Variants in RILPL1 observed in about 807,000 individuals in gnomAD.
The protein encoded by RILPL1 is RILP-like protein 1.
A neutral mutation model predicts 50.3 loss-of-function variants in RILPL1; 33 were observed. That is an observed-to-expected ratio of 0.66 (90% CI 0.50 to 0.88). RILPL1 has a LOEUF of 0.88. Among genes scored for constraint, RILPL1 ranks in the 40% least tolerant of loss-of-function variants. The pLI, the probability that RILPL1 is intolerant of heterozygous loss-of-function variation, is 0.00. For missense variants in RILPL1, 418 were observed against 542.5 expected (o/e 0.77, Z 2.28); for synonymous variants, 205 against 228.6 (o/e 0.90, Z 0.93).
intron 2 of RILPL1, among the ~76,000 whole-genome samples, chr12:123,512,128 T>C (rs1267165982): frequency 7.4e-6 from 1 of 134,502 alleles, no homozygotes; most frequent in African/African-American, 2.8e-5. Flanking sequence ...TTTGTGTGTG[T>C]GTGGTGTGTG....
intron 4 of RILPL1, among the ~76,000 whole-genome samples, chr12:123,496,579 C>T (rs954168017): frequency 6.6e-6 from 1 of 152,162 alleles, no homozygotes; most frequent in Non-Finnish European, 1.5e-5. Flanking sequence ...CTAAAGTTCA[C>T]TATACTTTTC....
In RILPL1 at chr12:123,518,179, A is replaced by T. The variant is rs546847402; in HGVS notation, c.460+5316T>A. On this transcript the variant is annotated intron_variant, in intron 2 of 6. Transcript: ENST00000376874. ...GGCGGCTGCACAAGACTGTGAATGT[A>T]CTTAATGCCTCTGAACTGTACACTT... 1.3e-4 allele frequency among the ~76,000 whole-genome samples: 20 copies of T among 152,232 alleles called. 1 individual carries two copies. In the South Asian group the frequency reaches 3.9e-3, roughly 30 times the overall value.
At position 123,533,033 on chromosome 12, in the gene RILPL1, T is replaced by TC; in HGVS notation, c.309+140dup. On this transcript the variant is annotated intron_variant, in intron 1 of 6. Coordinates refer to ENST00000376874, the MANE Select transcript of RILPL1 (RefSeq NM_178314.5). This position sits in a 1 kb window ranked among gnomAD's most constrained non-coding sequence, Gnocchi z 6.2. ...GGTCGGGCAAAAGAAGGCCAGGGCC[T>TC]CCCTCCCTCCCCACGTCGGGTCTCC... The TC allele has an allele frequency of 1.1e-6, 1 of 902,252 alleles. No homozygotes were observed. The highest frequency in any genetic ancestry group is 1.8e-5 in the South Asian group (1 of 54,964). 55.9% of individuals were successfully genotyped at this position (902,252 alleles called of 1,614,324 possible).
chr12:123,480,167 T>G (rs1454175602), intron 6 of RILPL1, among the ~76,000 whole-genome samples: 14 of 150,792 alleles, frequency 9.3e-5, no homozygotes. Context: ...TCTTTTTTTT[T>G]TTTTTTTTTT....
rs1476732301 is a variant in RILPL1 at position 123,491,068 on chromosome 12, C to T, written c.802-5263G>A. Among the ~76,000 whole-genome samples, 1 of 152,186 alleles carries T rather than the reference C, an allele frequency of 6.6e-6. No individual in the cohort carries two copies. Among genetic ancestry groups the T allele is most frequent in the Non-Finnish European group, 1.5e-5 (1 of 68,038 alleles). On this transcript the variant is annotated intron_variant, in intron 4 of 6. Transcript: ENST00000376874. The surrounding 1 kb of genome is among the most constrained non-coding windows in gnomAD (Gnocchi z 4.0). ...CCCGCCCTGACTTCTAATACTATTGCCTGAAAGTACAGGCAGAAGGACAGC... is the reference window on the plus strand; with the variant it reads ...CCCGCCCTGACTTCTAATACTATTGTCTGAAAGTACAGGCAGAAGGACAGC...
Position 123,470,454 on chromosome 12 carries a change from CAG to C in RILPL1, c.*2082_*2083del. The C allele has an allele frequency of 8.2e-6, 1 of 121,994 alleles. No homozygotes were observed. The highest frequency in any genetic ancestry group is 2.9e-4 in the South Asian group (1 of 3,508). The allele number at this position is 121,994 out of a possible 1,614,324, so 7.6% of individuals were successfully genotyped here. ...TGCCACTGTACTCCAGCCTAGGTGA[CAG>C]AGTGAGACCCTGTGTCCAAAAAAAA... On this transcript the variant is annotated 3_prime_UTR_variant, in exon 7 of 7. Transcript: ENST00000376874.
intron 2 of RILPL1, among the ~76,000 whole-genome samples, chr12:123,521,618 TG>T (rs1566144198): frequency 9.5e-5 from 2 of 21,158 alleles, no homozygotes; most frequent in Admixed American, 6.0e-4. Context: ...CACACATATG[TG>T]TATATATATA....
Position 123,470,362 on chromosome 12 carries a change from A to C in RILPL1, c.*2176T>G, listed in dbSNP as rs1428212981. On this transcript the variant is annotated 3_prime_UTR_variant, in exon 7 of 7. Transcript: ENST00000376874. ...GTGGTGCACATCAGTAGTACCAGCT[A>C]CTTGGGAGGCTGAGGTGGGAGGATT... 1 of 151,464 alleles carries C rather than the reference A, an allele frequency of 6.6e-6. No individual in the cohort carries two copies. Among genetic ancestry groups the C allele is most frequent in the Non-Finnish European group, 1.5e-5 (1 of 68,198 alleles). The allele number at this position is 151,464 out of a possible 1,614,324, so 9.4% of individuals were successfully genotyped here.
At position 123,498,787 on chromosome 12, in the gene RILPL1, T is replaced by C. The variant is rs1883190522; in HGVS notation, c.580-22A>G. Reference sequence around the variant, plus strand: ...GTAACTGTAGAAAAAGGGAGACCATTGTGCGGGGCTGCCACCTGCGGTAGC... The same window carrying C: ...GTAACTGTAGAAAAAGGGAGACCATCGTGCGGGGCTGCCACCTGCGGTAGC... On this transcript the variant is annotated intron_variant, in intron 3 of 6. Coordinates refer to ENST00000376874, the MANE Select transcript of RILPL1 (RefSeq NM_178314.5). This position sits in a 1 kb window ranked among gnomAD's most constrained non-coding sequence, Gnocchi z 4.3. 2 of 1,607,058 alleles carry C rather than the reference T, an allele frequency of 1.2e-6. No homozygotes were observed. Among genetic ancestry groups the C allele is most frequent in the African/African-American group, 1.3e-5 (1 of 74,904 alleles).
intron 2 of RILPL1, among the ~76,000 whole-genome samples, chr12:123,506,357 A>C (rs28497891): frequency 6.6e-6 from 1 of 152,074 alleles, no homozygotes; most frequent in African/African-American, 2.4e-5. Context: ...GCCTTAAGGC[A>C]TGGGTCAGGG....
chr12:123,521,627 ATACACACATATGTGT>A (rs1885038169), intron 2 of RILPL1, among the ~76,000 whole-genome samples: 15 of 6,874 alleles, frequency 2.2e-3, no homozygotes, highest in Non-Finnish European at 1.0e-3. Context: ...GTGTATATAT[ATACACACATATGTGT>A]ATATATATAC....
At chr12:123,503,966 A>C (rs1593570504) in intron 2 of RILPL1, among the ~76,000 whole-genome samples, 2 of 148,862 alleles carry the variant, frequency 1.3e-5, no homozygotes, top group African/African-American at 5.0e-5. Context: ...GCGCCACTGC[A>C]CTCCAGCCTG....
chr12:123,524,298 A>G (rs1011603414), intron 1 of RILPL1, among the ~76,000 whole-genome samples: 32 of 152,242 alleles, frequency 2.1e-4, no homozygotes, highest in African/African-American at 7.5e-4. Flanking sequence ...AGTGCTGACA[A>G]GGATAGGAAG....
rs780553513 is a variant in RILPL1, at chr12:123,498,383, C to A, written c.801+161G>T. Among the ~76,000 whole-genome samples the A allele has an allele frequency of 6.6e-6, 1 of 151,922 alleles. No individual in the cohort carries two copies. Among genetic ancestry groups the A allele is most frequent in the Non-Finnish European group, 1.5e-5 (1 of 67,982 alleles). On this transcript the variant is annotated intron_variant, in intron 4 of 6. Coordinates refer to ENST00000376874, the MANE Select transcript of RILPL1 (RefSeq NM_178314.5). The surrounding 1 kb of genome is among the most constrained non-coding windows in gnomAD (Gnocchi z 4.3). The stretch of plus-strand genomic sequence containing the variant: ...TACAGGTGTGCACCACCACGCGTGG[C>A]TAATTAAAAAAAATGTTTGTAGAGA...
At chr12:123,478,431 A>G (rs1429779293) in intron 6 of RILPL1, among the ~76,000 whole-genome samples, 1 of 152,044 alleles carries the variant, frequency 6.6e-6, no homozygotes, top group Non-Finnish European at 1.5e-5. Context: ...TTTGGCCCGA[A>G]GTTTGTCTTG....
intron 1 of RILPL1, among the ~76,000 whole-genome samples, chr12:123,526,265 C>T (rs1885253193): frequency 6.6e-6 from 1 of 151,776 alleles, no homozygotes; most frequent in Admixed American, 6.6e-5. Context: ...GAGATCAAGC[C>T]ACTGCACTCC....
chr12:123,492,213 CA>C (rs890235450), intron 4 of RILPL1, among the ~76,000 whole-genome samples: 4 of 105,386 alleles, frequency 3.8e-5, no homozygotes, highest in Admixed American at 9.4e-5. Context: ...GACCCTGTCT[CA>C]AAAAAAAAGA....
At chr12:123,508,173 C>T (rs1436330423) in intron 2 of RILPL1, among the ~76,000 whole-genome samples, 2 of 151,668 alleles carry the variant, frequency 1.3e-5, no homozygotes, top group Non-Finnish European at 2.9e-5. Context: ...GCAGAAGGAT[C>T]ACTGGAACTC....
chr12:123,517,581 C>T (rs965882817), intron 2 of RILPL1, among the ~76,000 whole-genome samples: 8 of 152,000 alleles, frequency 5.3e-5, no homozygotes, highest in African/African-American at 1.9e-4. Flanking sequence ...GCCACCACAC[C>T]TGGCTACTTA....
Sources: allele counts gnomAD v4.1 joint callset (sites outside exome capture counted in the v4.1 genomes callset), GRCh38; gene constraint gnomAD v4.1.1; non-coding constraint Gnocchi (gnomAD v3.1); transcripts MANE v1.5; gene names NCBI Gene and HGNC (gene_info 2026-07-23, HGNC 2026-07-21).